The following SV2C variants were observed in gnomAD, a reference collection of about 807,000 sequenced individuals.
The protein encoded by SV2C is synaptic vesicle glycoprotein 2C, also known as solute carrier family 22 member B3.
Under a neutral mutation model 79.7 loss-of-function variants are expected in SV2C, and 49 were observed. The ratio of observed to expected loss-of-function variants is 0.61; its 90% CI spans 0.49 to 0.78. SV2C has a LOEUF of 0.78. Among genes scored for constraint, SV2C ranks in the 30% least tolerant of loss-of-function variants. The probability of loss-of-function intolerance (pLI) is 0.00; values close to 1 mark genes in which losing one functional copy is unlikely to be tolerated. For synonymous variants in SV2C, 334 were observed against 333.2 expected, an observed-to-expected ratio of 1.00 and a Z score of -0.03; for missense variants, 833 against 912.9, an observed-to-expected ratio of 0.91 and a Z score of 1.13.
At chr5:75,983,263 G>A in the SV2C span, among the ~76,000 whole-genome samples, 67 of 152,122 alleles carry the variant, frequency 4.4e-4, no homozygotes, top group South Asian at 2.5e-3. Flanking sequence ...ACTAATCTGC[G>A]TGTCACTCGG....
At chr5:76,352,373 T>C (rs1749658274) in intron 12 of SV2C, among the ~76,000 whole-genome samples, 1 of 152,218 alleles carries the variant, frequency 6.6e-6, no homozygotes. Flanking sequence ...AAGCCCCCAG[T>C]TCAACACTGT....
chr5:76,078,323 G>A, the SV2C span, among the ~76,000 whole-genome samples: 26 of 152,298 alleles, frequency 1.7e-4, no homozygotes, highest in Admixed American at 1.6e-3. Context: ...ACTTGGAGAT[G>A]AGGTTGAGGA....
the SV2C span, among the ~76,000 whole-genome samples, chr5:75,876,944 A>G: frequency 6.6e-6 from 1 of 152,172 alleles, no homozygotes; most frequent in South Asian, 2.1e-4. Flanking sequence ...ACATAAATCT[A>G]TATCAATAAC....
the SV2C span, among the ~76,000 whole-genome samples, chr5:76,032,635 T>G: frequency 6.6e-6 from 1 of 152,246 alleles, no homozygotes; most frequent in Admixed American, 6.5e-5. Flanking sequence ...ATTTTCTTAA[T>G]CCATTCTATC....
At chr5:76,322,376 G>A (rs950513086) in intron 12 of SV2C, among the ~76,000 whole-genome samples, 5 of 152,162 alleles carry the variant, frequency 3.3e-5, no homozygotes, top group Admixed American at 6.5e-5. Flanking sequence ...ACTGCCCAAG[G>A]AAATAAGAGA....
chr5:76,074,092 C>T, the SV2C span, among the ~76,000 whole-genome samples: 1 of 152,158 alleles, frequency 6.6e-6, no homozygotes, highest in African/African-American at 2.4e-5. Context: ...TCAGAACTTC[C>T]TCTGCAGTGA....
the SV2C span, among the ~76,000 whole-genome samples, chr5:76,016,831 T>G: frequency 5.3e-5 from 8 of 152,340 alleles, no homozygotes; most frequent in East Asian, 1.4e-3. Flanking sequence ...TATAGAAAAC[T>G]TGGAGGCATG....
At chr5:76,353,113 TA>T (rs142457579) in intron 12 of SV2C, 144,878 of 391,238 alleles carry the variant, frequency 0.37, 21,814 homozygotes, top group Non-Finnish European at 0.47. Context: ...GCTAATTTTT[TA>T]ATTTTTTTTT....
intron 12 of SV2C, among the ~76,000 whole-genome samples, chr5:76,324,614 C>A (rs1487159231): frequency 1.3e-5 from 2 of 151,848 alleles, no homozygotes; most frequent in Non-Finnish European, 2.9e-5. Flanking sequence ...GAGGCCAAGA[C>A]AAGAGGATTG....
chr5:76,333,365 A>C lies in SV2C; in HGVS notation c.*7818A>C, dbSNP rs1371151415. 6.6e-6 allele frequency: 1 copy of C among 152,226 alleles called. No homozygotes were observed. The highest frequency in any genetic ancestry group is 1.5e-5 in the Non-Finnish European group (1 of 68,032). 9.4% of individuals were successfully genotyped at this position (152,226 alleles called of 1,614,324 possible). On this transcript the variant is annotated 3_prime_UTR_variant, in exon 13 of 13. Transcript: ENST00000502798. ...TTGAACAGATCATATGTCTTTTGTT[A>C]CTATCTAGATACACTAAATAACATG... is the stretch of plus-strand genomic sequence containing the variant.
At chr5:76,016,003 G>A in the SV2C span, among the ~76,000 whole-genome samples, 1 of 151,890 alleles carries the variant, frequency 6.6e-6, no homozygotes, top group African/African-American at 2.4e-5. Context: ...AAAGGAATTA[G>A]TTTCTTTATA....
At chr5:75,923,138 G>A in the SV2C span, among the ~76,000 whole-genome samples, 274 of 152,156 alleles carry the variant, frequency 1.8e-3, no homozygotes, top group African/African-American at 6.3e-3. Context: ...ACTGATCTTC[G>A]ACAAAGCATA....
the SV2C span, among the ~76,000 whole-genome samples, chr5:76,068,104 C>T: frequency 6.6e-6 from 1 of 152,072 alleles, no homozygotes; most frequent in African/African-American, 2.4e-5. Flanking sequence ...CTAAATAATG[C>T]TGATGATAAT....
the SV2C span, among the ~76,000 whole-genome samples, chr5:75,874,955 C>G: frequency 3.3e-5 from 5 of 151,996 alleles, no homozygotes; most frequent in African/African-American, 9.7e-5. Context: ...ATAGGAAGAG[C>G]CAATATTGTT....
chr5:75,881,291 A>G, the SV2C span, among the ~76,000 whole-genome samples: 3,749 of 152,318 alleles, frequency 0.025, 160 homozygotes, highest in African/African-American at 0.086. Flanking sequence ...CAGTAAAATG[A>G]AGAGAAAAAT....
At chr5:76,030,344 G>A in the SV2C span, among the ~76,000 whole-genome samples, 1 of 135,360 alleles carries the variant, frequency 7.4e-6, no homozygotes, top group Non-Finnish European at 1.5e-5. Flanking sequence ...ATTTGTGTAG[G>A]GAATAAGAAT....
At chr5:76,194,841 G>A (rs1744223235) in intron 2 of SV2C, 78 bp from the exon 3 acceptor site, 3 of 1,521,802 alleles carry the variant, frequency 2.0e-6, no homozygotes, top group Non-Finnish European at 8.9e-7. Context: ...AATGTATTTT[G>A]TTCCTTGTTC....
At chr5:76,320,446 G>T (rs567816234) in intron 12 of SV2C, among the ~76,000 whole-genome samples, 1 of 152,098 alleles carries the variant, frequency 6.6e-6, no homozygotes, top group Non-Finnish European at 1.5e-5. Context: ...TAATAACAAC[G>T]TGTCAATATT....
intron 1 of SV2C, among the ~76,000 whole-genome samples, chr5:76,093,206 C>G (rs1408557881): frequency 6.6e-6 from 1 of 152,150 alleles, no homozygotes; most frequent in Non-Finnish European, 1.5e-5. Context: ...CCCTTGCATG[C>G]TCCTTCCAGT....
Sources: gnomAD v4.1 joint callset for allele counts (sites outside exome capture counted in the v4.1 genomes callset) on GRCh38, gnomAD v4.1.1 for gene constraint, MANE v1.5 for transcripts, NCBI Gene and HGNC (gene_info 2026-07-23, HGNC 2026-07-21) for gene names.